PARG: variants seen among roughly 807,000 people sequenced by gnomAD.
PARG encodes mitochondrial poly(ADP-ribose) glycohydrolase.
PARG carries 35 observed loss-of-function variants against 113.0 expected under a neutral mutation model. The ratio of observed to expected loss-of-function variants is 0.31; its 90% CI spans 0.24 to 0.41. The LOEUF (loss-of-function observed/expected upper bound fraction) is 0.41. Ranked by LOEUF, PARG falls within the 10% of genes least tolerant of loss-of-function variation. The pLI is 1.00. For synonymous variants in PARG, 330 were observed against 409.9 expected (o/e 0.81, Z 2.36); for missense variants, 797 against 1,169.4 (o/e 0.68, Z 4.64).
chr10:49,920,655 T>A (rs1312202170), intron 6 of PARG, among the ~76,000 whole-genome samples: 1 of 149,388 alleles, frequency 6.7e-6, no homozygotes, highest in Non-Finnish European at 1.5e-5. Flanking sequence ...TATACGTATA[T>A]ATATGGAGTT....
intron 7 of PARG, among the ~76,000 whole-genome samples, chr10:49,907,270 T>G (rs1836905715): frequency 6.6e-6 from 1 of 152,072 alleles, no homozygotes; most frequent in Non-Finnish European, 1.5e-5. Context: ...TAAAGAAAAA[T>G]TATTTAGCCA....
At chr10:49,862,493 T>C (rs1233340163) in intron 11 of PARG, among the ~76,000 whole-genome samples, 3 of 152,034 alleles carry the variant, frequency 2.0e-5, no homozygotes, top group African/African-American at 7.2e-5. Context: ...AATTGTTTGA[T>C]TCCTTCCTGG....
chr10:49,908,147 C>T (rs1836958072), intron 7 of PARG, among the ~76,000 whole-genome samples: 1 of 152,146 alleles, frequency 6.6e-6, no homozygotes, highest in Non-Finnish European at 1.5e-5. Context: ...GCATAGAGGG[C>T]TCAACTAAGA....
chr10:49,851,978 C>A (rs1284201052), intron 13 of PARG, among the ~76,000 whole-genome samples: 1 of 151,016 alleles, frequency 6.6e-6, no homozygotes, highest in Admixed American at 6.6e-5. Flanking sequence ...TGATACCAAC[C>A]AGATGTCCCA....
intron 12 of PARG, among the ~76,000 whole-genome samples, chr10:49,858,957 T>G (rs1390613817): frequency 6.6e-6 from 1 of 152,062 alleles, no homozygotes; most frequent in African/African-American, 2.4e-5. Flanking sequence ...GCATTTGTAA[T>G]TTAGATGGCA....
At chr10:49,927,303 C>CAAGAAAGA (rs781927701) in intron 4 of PARG, among the ~76,000 whole-genome samples, 11 of 135,106 alleles carry the variant, frequency 8.1e-5, no homozygotes, top group African/African-American at 3.0e-4. Context: ...AAGACTCTGT[C>CAAGAAAGA]AAGAAAGAAA....
intron 1 of PARG, among the ~76,000 whole-genome samples, chr10:49,935,780 C>G (rs1292562832): frequency 6.6e-6 from 1 of 152,042 alleles, no homozygotes; most frequent in African/African-American, 2.4e-5. Context: ...GCACCAATAT[C>G]AGGGAAATAT....
chr10:49,856,458 G>A (rs1161545487), intron 13 of PARG, among the ~76,000 whole-genome samples: 61 of 152,284 alleles, frequency 4.0e-4, no homozygotes, highest in Middle Eastern at 6.8e-3. Context: ...AGGATTACAG[G>A]CATGAACTAT....
intron 8 of PARG, among the ~76,000 whole-genome samples, chr10:49,883,822 A>C (rs1271777283): frequency 1.4e-5 from 2 of 143,700 alleles, no homozygotes; most frequent in African/African-American, 2.5e-5. Flanking sequence ...AAAAAAAAAA[A>C]AACAGGTGGT....
At chr10:49,916,107 T>G (rs2664655) in intron 6 of PARG, 116 bp from the exon 7 acceptor site, 350,537 of 692,210 alleles carry the variant, frequency 0.51, 93,491 homozygotes, top group East Asian at 0.57. Context: ...ACAAGCTTCC[T>G]ACTACCTCCC....
At chr10:49,880,109 G>T (rs1487844666) in intron 8 of PARG, among the ~76,000 whole-genome samples, 1 of 151,640 alleles carries the variant, frequency 6.6e-6, no homozygotes, top group Non-Finnish European at 1.5e-5. Context: ...GATTGCTTCA[G>T]CAAGTAAATA....
chr10:49,832,766 G>T, intron 16 of PARG, 37 bp downstream of exon 16: 2 of 1,212,486 alleles, frequency 1.6e-6, no homozygotes, highest in South Asian at 1.4e-5. Flanking sequence ...TTTTTTGTGT[G>T]GGCAGAATGC....
intron 8 of PARG, among the ~76,000 whole-genome samples, chr10:49,882,462 G>C (rs1847262755): frequency 6.6e-6 from 1 of 152,016 alleles, no homozygotes; most frequent in Admixed American, 6.6e-5. Context: ...CTTTTCAATA[G>C]GGGGCAAAGC....
intron 7 of PARG, among the ~76,000 whole-genome samples, chr10:49,895,099 T>G (rs1471201826): frequency 2.6e-5 from 4 of 152,204 alleles, no homozygotes; most frequent in Admixed American, 1.3e-4. Context: ...CAGTGTGGCC[T>G]CATCTTAACT....
chr10:49,895,714 A>G (rs191035301), intron 7 of PARG, among the ~76,000 whole-genome samples: 395 of 152,030 alleles, frequency 2.6e-3, no homozygotes, highest in African/African-American at 9.1e-3. Flanking sequence ...CCGAGAACTG[A>G]TATCTTAACC....
intron 13 of PARG, among the ~76,000 whole-genome samples, chr10:49,846,238 T>C (rs1588891289): frequency 6.6e-6 from 1 of 151,270 alleles, no homozygotes; most frequent in African/African-American, 2.4e-5. Flanking sequence ...GAAGTGTGTA[T>C]GACATATATT....
At chr10:49,908,872 A>G (rs188772978) in intron 7 of PARG, among the ~76,000 whole-genome samples, 686 of 152,256 alleles carry the variant, frequency 4.5e-3, no homozygotes, top group East Asian at 0.018. Context: ...GATTTAAAAC[A>G]GCAGTTATAA....
chr10:49,836,522 G>C (rs1554831141), intron 15 of PARG, among the ~76,000 whole-genome samples: 3 of 151,866 alleles, frequency 2.0e-5, no homozygotes, highest in African/African-American at 7.3e-5. Flanking sequence ...GAAGTATGCA[G>C]ATCTTAGTTT....
intron 1 of PARG, among the ~76,000 whole-genome samples, chr10:49,935,962 T>C (rs1358634353): frequency 1.3e-4 from 20 of 152,018 alleles, no homozygotes; most frequent in Non-Finnish European, 2.4e-4. Context: ...GGAGGATAAA[T>C]CTGAGGGGCA....
Sources: gnomAD v4.1 joint callset for allele counts (sites outside exome capture counted in the v4.1 genomes callset) on GRCh38, gnomAD v4.1.1 for gene constraint, MANE v1.5 for transcripts, NCBI Gene and HGNC (gene_info 2026-07-23, HGNC 2026-07-21) for gene names.